The following PRSS12 variants were observed in gnomAD, a reference collection of about 807,000 sequenced individuals.
The protein encoded by PRSS12 is neurotrypsin.
In PRSS12, 85 loss-of-function variants were observed where a neutral mutation model predicts 104.4. The observed-to-expected ratio is 0.81, with a 90% CI of 0.68 to 0.98. The LOEUF (loss-of-function observed/expected upper bound fraction) is 0.98, where lower values mean the gene tolerates loss of function less well. Ranked by LOEUF, PRSS12 falls within the 50% of genes least tolerant of loss-of-function variation. PRSS12 has a pLI of 0.00. For missense variants in PRSS12, 1,141 were observed against 1,139.2 expected (o/e 1.00, Z -0.02); for synonymous variants, 454 against 425.2 (o/e 1.07, Z -0.83).
chr4:118,334,162 G>C (rs1406197362), intron 3 of PRSS12, among the ~76,000 whole-genome samples: 1 of 152,080 alleles, frequency 6.6e-6, no homozygotes, highest in South Asian at 2.1e-4. Flanking sequence ...TACCACGAGA[G>C]AATCTTTTTA....
intron 8 of PRSS12, among the ~76,000 whole-genome samples, chr4:118,301,527 C>A (rs1259451489): frequency 6.6e-6 from 1 of 151,936 alleles, no homozygotes; most frequent in Non-Finnish European, 1.5e-5. Context: ...CCCATATGCA[C>A]ACCAAGAAAA....
In PRSS12 at chr4:118,282,641, C is replaced by G. The variant is rs1016798963; in HGVS notation, c.2320+190G>C. On this transcript the variant is annotated intron_variant, in intron 12 of 12. Coordinates refer to ENST00000296498, the MANE Select transcript of PRSS12 (RefSeq NM_003619.4). Reference sequence around the variant, plus strand: ...AATTAAACTGAGTTCTCAGTTTATGCTAAAGTTCTCATTAGAACCAACAAT... The same window carrying G: ...AATTAAACTGAGTTCTCAGTTTATGGTAAAGTTCTCATTAGAACCAACAAT... 3.9e-5 allele frequency among the ~76,000 whole-genome samples: 6 copies of G among 152,180 alleles called. 1 individual carries two copies. The highest frequency in any genetic ancestry group is 2.0e-4 in the Admixed American group (3 of 15,282).
chr4:118,306,271 A>G (rs1215178565), intron 8 of PRSS12, among the ~76,000 whole-genome samples: 1 of 152,240 alleles, frequency 6.6e-6, no homozygotes, highest in Non-Finnish European at 1.5e-5. Context: ...CCATTCTAAC[A>G]TGAGGCTAAA....
intron 1 of PRSS12, among the ~76,000 whole-genome samples, chr4:118,350,576 G>A (rs1724472090): frequency 6.6e-6 from 1 of 152,114 alleles, no homozygotes; most frequent in South Asian, 2.1e-4. Context: ...TTTACTCCAG[G>A]AAGTACAAAT....
chr4:118,295,081 C>A lies in PRSS12; in HGVS notation c.1917-20G>T, dbSNP rs780052141. 2 of 1,613,240 alleles carry A rather than the reference C, an allele frequency of 1.2e-6. No homozygotes were observed. Among genetic ancestry groups the A allele is most frequent in the Non-Finnish European group, 1.7e-6 (2 of 1,179,748 alleles). ...CCACCCCTAAGAAGAAAATGAGCTA[C>A]ACATCAACGTCAGTAAAAGGCAAAA... On this transcript the variant is annotated intron_variant, in intron 10 of 12. Coordinates refer to ENST00000296498, the MANE Select transcript of PRSS12 (RefSeq NM_003619.4).
chr4:118,292,401 TAAC>T (rs1339276743), intron 11 of PRSS12, among the ~76,000 whole-genome samples: 5 of 152,190 alleles, frequency 3.3e-5, no homozygotes, highest in African/African-American at 1.2e-4. Flanking sequence ...CCTGGACTAT[TAAC>T]AAGCTAAATG....
chr4:118,351,946 A>T (rs540524297), intron 1 of PRSS12, among the ~76,000 whole-genome samples: 11 of 152,142 alleles, frequency 7.2e-5, no homozygotes, highest in Non-Finnish European at 1.6e-4. Flanking sequence ...CAGTGGCCAG[A>T]GGACAGAGCA....
Position 118,280,975 on chromosome 4 carries a change from G to T in PRSS12, c.*961C>A, listed in dbSNP as rs1742831892. 1 of 152,234 alleles carries T rather than the reference G, an allele frequency of 6.6e-6. No individual in the cohort carries two copies. The highest frequency in any genetic ancestry group is 1.5e-5 in the Non-Finnish European group (1 of 68,050). The allele number at this position is 152,234 out of a possible 1,614,324, so 9.4% of individuals were successfully genotyped here. A position where few individuals can be genotyped will look rare whatever the true frequency, so the allele number is the denominator to read the frequency against. On this transcript the variant is annotated 3_prime_UTR_variant, in exon 13 of 13. Coordinates refer to ENST00000296498, the MANE Select transcript of PRSS12 (RefSeq NM_003619.4). ...GCAGTGCCTGGCATATGTTATAACT[G>T]CTGTATGTATTAGAACTTTTCAATG... is the stretch of plus-strand genomic sequence containing the variant.
chr4:118,299,813 A>T (rs28832909), intron 8 of PRSS12, among the ~76,000 whole-genome samples: 7,178 of 94,668 alleles, frequency 0.076, 376 homozygotes, highest in Non-Finnish European at 0.11. Flanking sequence ...TAAAATAAAT[A>T]AAATAAAATA....
intron 4 of PRSS12, 62 bp from the exon 5 acceptor site, chr4:118,318,618 T>A: frequency 6.5e-7 from 1 of 1,530,058 alleles, no homozygotes; most frequent in Non-Finnish European, 8.9e-7. Flanking sequence ...CTTTTATTTT[T>A]TTTTTGTCCC....
rs747887151 is a variant in PRSS12, at chr4:118,352,188, G to C, written c.502+31C>G. The C allele has an allele frequency of 3.7e-6, 6 of 1,609,530 alleles. No homozygotes were observed. In the South Asian group the frequency reaches 6.6e-5, roughly 18 times the overall value. ...GCCTCACTGGCTCCGAGCCCGTCCG[G>C]AGTTTCCGCGGCCGCCCCGAGGCCA... On this transcript the variant is annotated intron_variant, in intron 1 of 12. Coordinates refer to ENST00000296498, the MANE Select transcript of PRSS12 (RefSeq NM_003619.4).
intron 1 of PRSS12, among the ~76,000 whole-genome samples, chr4:118,350,755 A>G (rs549946830): frequency 5.6e-4 from 85 of 152,346 alleles, no homozygotes; most frequent in African/African-American, 2.0e-3. Context: ...TCAGAAAGAG[A>G]GCAACAGATC....
chr4:118,336,542 C>T (rs1389005941), intron 2 of PRSS12, among the ~76,000 whole-genome samples: 3 of 152,122 alleles, frequency 2.0e-5, no homozygotes, highest in Non-Finnish European at 2.9e-5. Context: ...CTGGGTTTCT[C>T]TGATTTTATC....
intron 4 of PRSS12, among the ~76,000 whole-genome samples, chr4:118,324,441 TAA>T (rs1723713603): frequency 6.6e-6 from 1 of 152,096 alleles, no homozygotes; most frequent in Admixed American, 6.5e-5. Flanking sequence ...TAACAAATCC[TAA>T]AGTCATGCTT....
In PRSS12 at chr4:118,316,288, G is replaced by A. The variant is rs771361926; in HGVS notation, c.1186C>T (p.His396Tyr). The A allele has an allele frequency of 1.9e-6, 3 of 1,613,954 alleles. No homozygotes were observed. Among genetic ancestry groups the A allele is most frequent in the East Asian group, 4.5e-5 (2 of 44,854 alleles). Reference sequence around the variant, plus strand: ...TAATATACCTCCAAGCGACCCTCATGGCTGCCTTTCCCACCTGCAAGTCTG... The same window carrying A: ...TAATATACCTCCAAGCGACCCTCATAGCTGCCTTTCCCACCTGCAAGTCTG... ...VIRLAGGKGS[H>Y]EGRLEVYYRG... Residue 396 changes from histidine (H) to tyrosine (Y), a missense_variant, in exon 6 of 13, where the codon CAT becomes TAT. His to Tyr is a moderately conservative substitution (Grantham distance 83). Coordinates refer to ENST00000296498, the MANE Select transcript of PRSS12 (RefSeq NM_003619.4).
chr4:118,328,753 A>G (rs1723844981), intron 4 of PRSS12, among the ~76,000 whole-genome samples: 1 of 152,072 alleles, frequency 6.6e-6, no homozygotes, highest in African/African-American at 2.4e-5. Flanking sequence ...CCTTCCTAGT[A>G]GTCGGGACTA....
At chr4:118,295,588 G>A (rs532764782) in intron 10 of PRSS12, among the ~76,000 whole-genome samples, 190 bp downstream of exon 10, 10 of 152,238 alleles carry the variant, frequency 6.6e-5, no homozygotes, top group African/African-American at 2.4e-4. Flanking sequence ...AATCAGGCTG[G>A]TATAAGAACA....
intron 7 of PRSS12, among the ~76,000 whole-genome samples, chr4:118,311,618 T>C (rs1743731277): frequency 6.6e-6 from 1 of 152,210 alleles, no homozygotes. Context: ...TCAGATATAA[T>C]GTTCTTCAGA....
chr4:118,349,687 A>G lies in PRSS12; in HGVS notation c.502+2532T>C, dbSNP rs938921317. Among the ~76,000 whole-genome samples, 9 of 152,054 alleles carry G rather than the reference A, an allele frequency of 5.9e-5. 1 individual carries two copies. The highest frequency in any genetic ancestry group is 1.3e-4 in the Admixed American group (2 of 15,276). ...ATATTTTCATCAGTAAAATGCAGGA[A>G]CTCACTCAGAAGGTTGCTACAAGAA... On this transcript the variant is annotated intron_variant, in intron 1 of 12. Coordinates refer to ENST00000296498, the MANE Select transcript of PRSS12 (RefSeq NM_003619.4).
Sources: allele counts gnomAD v4.1 joint callset (sites outside exome capture counted in the v4.1 genomes callset), GRCh38; gene constraint gnomAD v4.1.1; transcripts MANE v1.5; gene names NCBI Gene and HGNC (gene_info 2026-07-23, HGNC 2026-07-21).